Variants in FGFR1 observed in about 807,000 individuals in gnomAD.
FGFR1 encodes FGFR1/PLAG1 fusion.
In FGFR1, 18 loss-of-function variants were observed where a neutral mutation model predicts 93.7. The ratio of observed to expected loss-of-function variants is 0.19; its 90% CI spans 0.13 to 0.28. The LOEUF (loss-of-function observed/expected upper bound fraction) is 0.28. FGFR1 is among the 10% of genes least tolerant of loss of function. The pLI, the probability that FGFR1 is intolerant of heterozygous loss-of-function variation, is 1.00. For synonymous variants in FGFR1, 448 were observed against 429.3 expected, an observed-to-expected ratio of 1.04 and a Z score of -0.54; for missense variants, 731 against 1,080.4, an observed-to-expected ratio of 0.68 and a Z score of 4.53.
rs762777083 is a variant in FGFR1 at position 38,414,919 on chromosome 8, G to A, written c.1855-18C>T. Reference sequence around the variant, plus strand: ...TGTATGCACTGAGGAAGGAGGAAGGGAGAGCGGGAGGCGGGGAGGTGAGGG... The same window carrying A: ...TGTATGCACTGAGGAAGGAGGAAGGAAGAGCGGGAGGCGGGGAGGTGAGGG... On this transcript the variant is annotated intron_variant, in intron 13 of 17. Transcript: ENST00000447712. The A allele has an allele frequency of 1.2e-6, 2 of 1,608,356 alleles. No individual in the cohort carries two copies. The highest frequency in any genetic ancestry group is 1.7e-6 in the Non-Finnish European group (2 of 1,177,180).
rs1261368654 is a variant in FGFR1 at position 38,417,249 on chromosome 8, C to T, written c.1663+57G>A. Reference sequence around the variant, plus strand: ...GCTGAGAGAGGCCTTGGGACTGATACCCCAGCTCAGATCTTCTCCCCGCTG... The same window carrying T: ...GCTGAGAGAGGCCTTGGGACTGATATCCCAGCTCAGATCTTCTCCCCGCTG... On this transcript the variant is annotated intron_variant, in intron 12 of 17. Coordinates refer to ENST00000447712, the MANE Select transcript of FGFR1 (RefSeq NM_023110.3). The T allele has an allele frequency of 1.4e-5, 19 of 1,376,720 alleles. No individual in the cohort carries two copies. In the Admixed American group the frequency reaches 2.2e-4, roughly 16 times the overall value. 85.3% of individuals were successfully genotyped at this position (1,376,720 alleles called of 1,614,324 possible). A position where few individuals can be genotyped will look rare whatever the true frequency, so the allele number is the denominator to read the frequency against.
intron 2 of FGFR1, among the ~76,000 whole-genome samples, chr8:38,453,608 T>C (rs1485986048): frequency 6.6e-6 from 1 of 152,118 alleles, no homozygotes; most frequent in Non-Finnish European, 1.5e-5. Flanking sequence ...TATACCTAAA[T>C]TAAGTTGGTT....
chr8:38,457,843 C>T (rs1044343981), intron 1 of FGFR1, among the ~76,000 whole-genome samples: 6 of 152,014 alleles, frequency 3.9e-5, no homozygotes, highest in Admixed American at 2.6e-4. Flanking sequence ...ATTACCCAGG[C>T]GTGGTGGCGC....
chr8:38,453,636 T>C (rs995546878), intron 2 of FGFR1, among the ~76,000 whole-genome samples: 10 of 152,128 alleles, frequency 6.6e-5, no homozygotes, highest in Non-Finnish European at 7.4e-5. Context: ...GTGTGGTGGC[T>C]CACACCTATA....
chr8:38,439,314 G>C (rs924805664), intron 2 of FGFR1, among the ~76,000 whole-genome samples: 7 of 152,098 alleles, frequency 4.6e-5, no homozygotes, highest in Non-Finnish European at 1.5e-5. Context: ...GTGCCGCTCT[G>C]CCTGGGCCAC....
At chr8:38,456,304 C>T (rs559028308) in intron 2 of FGFR1, among the ~76,000 whole-genome samples, 9 of 152,296 alleles carry the variant, frequency 5.9e-5, no homozygotes, top group Admixed American at 2.6e-4. Context: ...CGAAAGCCAC[C>T]GGTATTCTGT....
intron 2 of FGFR1, among the ~76,000 whole-genome samples, chr8:38,442,881 G>A (rs1303012253): frequency 6.6e-6 from 1 of 152,246 alleles, no homozygotes; most frequent in African/African-American, 2.4e-5. Context: ...AGCACCCCAA[G>A]TGCCTGCCAT....
rs143569150 is a variant in FGFR1, at chr8:38,464,917, C to A, written c.-89+3064G>T. Reference sequence around the variant, plus strand: ...AAGCCGGCTGCTAAACCCCCAAGTTCATACCAGCAAATCTCTCATTTTAGG... The same window carrying A: ...AAGCCGGCTGCTAAACCCCCAAGTTAATACCAGCAAATCTCTCATTTTAGG... On this transcript the variant is annotated intron_variant, in intron 1 of 17. Coordinates refer to ENST00000447712, the MANE Select transcript of FGFR1 (RefSeq NM_023110.3). 7.3e-3 allele frequency among the ~76,000 whole-genome samples: 1,105 copies of A among 152,326 alleles called. 12 individuals carry two copies. Among genetic ancestry groups the A allele is most frequent in the Admixed American group, 0.015 (224 of 15,306 alleles).
At chr8:38,467,854 C>A (rs1835891407) in intron 1 of FGFR1, 127 bp downstream of exon 1, 1 of 229,700 alleles carries the variant, frequency 4.4e-6, no homozygotes, top group Admixed American at 5.7e-5. Context: ...GGGCGGGCGG[C>A]GAGCGGAGGG....
rs538187359 is a variant in FGFR1 at position 38,441,200 on chromosome 8, G to A, written c.92-11252C>T. Among the ~76,000 whole-genome samples, 6 of 152,276 alleles carry A rather than the reference G, an allele frequency of 3.9e-5. No homozygotes were observed. In the East Asian group the frequency reaches 5.8e-4, roughly 15 times the overall value. On this transcript the variant is annotated intron_variant, in intron 2 of 17. Coordinates refer to ENST00000447712, the MANE Select transcript of FGFR1 (RefSeq NM_023110.3). ...AAAAGACAGAGGGACTCTGGGTGTC[G>A]TAAAGGATAACGCAGCCTGAGAACT...
In FGFR1 at chr8:38,426,385, C is replaced by G. The variant is rs1586318696; in HGVS notation, c.622-140G>C. 1 of 1,251,950 alleles carries G rather than the reference C, an allele frequency of 8.0e-7. No individual in the cohort carries two copies. The highest frequency in any genetic ancestry group is 2.3e-5 in the East Asian group (1 of 43,158). 77.6% of individuals were successfully genotyped at this position (1,251,950 alleles called of 1,614,324 possible). A position where few individuals can be genotyped will look rare whatever the true frequency, so the allele number is the denominator to read the frequency against. Reference sequence around the variant, plus strand: ...CCCCAGGCTGCAGGGTTGGCTAGGACAAGGCGTGGATTGCCCCCCTACCAG... The same window carrying G: ...CCCCAGGCTGCAGGGTTGGCTAGGAGAAGGCGTGGATTGCCCCCCTACCAG... On this transcript the variant is annotated intron_variant, in intron 5 of 17. Transcript: ENST00000447712. The surrounding 1 kb of genome is among the most constrained non-coding windows in gnomAD (Gnocchi z 4.1).
chr8:38,436,411 T>A (rs1825442115), intron 2 of FGFR1, among the ~76,000 whole-genome samples: 1 of 152,008 alleles, frequency 6.6e-6, no homozygotes, highest in Non-Finnish European at 1.5e-5. Context: ...AAAAGGGGCC[T>A]TATGCTTTGA....
Position 38,464,733 on chromosome 8 carries a change from A to T in FGFR1, c.-89+3248T>A, listed in dbSNP as rs539461117. Among the ~76,000 whole-genome samples the T allele has an allele frequency of 2.6e-4, 40 of 152,308 alleles. No homozygotes were observed. Among genetic ancestry groups the T allele is most frequent in the Admixed American group, 1.2e-3 (19 of 15,290 alleles). On this transcript the variant is annotated intron_variant, in intron 1 of 17. Coordinates refer to ENST00000447712, the MANE Select transcript of FGFR1 (RefSeq NM_023110.3). ...TTTCCCAGGAGGAAATTAAACTATC[A>T]AGTGATGTGAGGCCCTTTCAGAATA...
intron 2 of FGFR1, among the ~76,000 whole-genome samples, chr8:38,448,543 TAA>T (rs969031404): frequency 2.6e-5 from 4 of 152,224 alleles, no homozygotes; most frequent in African/African-American, 9.6e-5. Context: ...CTAATGTTTT[TAA>T]AAGAGTGATA....
chr8:38,467,583 C>T (rs998957034), intron 1 of FGFR1: 1 of 235,600 alleles, frequency 4.2e-6, no homozygotes, highest in Non-Finnish European at 8.4e-6. Context: ...ACGCATCCCA[C>T]CTCGCCGCCC....
chr8:38,458,420 A>G lies in FGFR1; in HGVS notation c.-88-886T>C, dbSNP rs181977723. ...GCTGGGCATAGTGGTACACACCTGT[A>G]ATCCCAGCTACTCAGGAGGCTGAGA... On this transcript the variant is annotated intron_variant, in intron 1 of 17. Transcript: ENST00000447712. Among the ~76,000 whole-genome samples, 10 of 152,272 alleles carry G rather than the reference A, an allele frequency of 6.6e-5. No homozygotes were observed. In the East Asian group the frequency reaches 1.7e-3, roughly 26 times the overall value.
chr8:38,468,470 T>G lies in FGFR1; in HGVS notation c.-578A>C, dbSNP rs558180061. On this transcript the variant is annotated 5_prime_UTR_variant, in exon 1 of 18. Coordinates refer to ENST00000447712, the MANE Select transcript of FGFR1 (RefSeq NM_023110.3). ...GCCGGGGAAGGCGAGGTCGCCGCAATGCGCTACGAGGGGTCTCGGTCCCGT... is the reference window on the plus strand; with the variant it reads ...GCCGGGGAAGGCGAGGTCGCCGCAAGGCGCTACGAGGGGTCTCGGTCCCGT... The G allele has an allele frequency of 1.1e-3, 259 of 228,672 alleles. No homozygotes were observed. The highest frequency in any genetic ancestry group is 1.7e-3 in the Non-Finnish European group (199 of 114,922). The allele number at this position is 228,672 out of a possible 1,614,324, so 14.2% of individuals were successfully genotyped here. A position where few individuals can be genotyped will look rare whatever the true frequency, so the allele number is the denominator to read the frequency against.
At chr8:38,461,709 G>A (rs778177441) in intron 1 of FGFR1, among the ~76,000 whole-genome samples, 5 of 151,936 alleles carry the variant, frequency 3.3e-5, no homozygotes, top group Non-Finnish European at 7.4e-5. Flanking sequence ...TCTAAGCCTC[G>A]GTTTCCCACC....
Position 38,411,304 on chromosome 8 carries a change from C to T in FGFR1, c.*2324G>A, listed in dbSNP as rs1814359884. 1 of 211,942 alleles carries T rather than the reference C, an allele frequency of 4.7e-6. No individual in the cohort carries two copies. Among genetic ancestry groups the T allele is most frequent in the Non-Finnish European group, 9.6e-6 (1 of 104,684 alleles). 13.1% of individuals were successfully genotyped at this position (211,942 alleles called of 1,614,324 possible). A position where few individuals can be genotyped will look rare whatever the true frequency, so the allele number is the denominator to read the frequency against. ...ATGAAGACTTTTAGATTCTTCATCC[C>T]TTCACACAACATTGCTTCAAGGTAG... On this transcript the variant is annotated 3_prime_UTR_variant, in exon 18 of 18. Coordinates refer to ENST00000447712, the MANE Select transcript of FGFR1 (RefSeq NM_023110.3).
Sources: allele counts gnomAD v4.1 joint callset (sites outside exome capture counted in the v4.1 genomes callset), GRCh38; gene constraint gnomAD v4.1.1; non-coding constraint Gnocchi (gnomAD v3.1); transcripts MANE v1.5; gene names NCBI Gene and HGNC (gene_info 2026-07-23, HGNC 2026-07-21).